The following PARP8 variants were observed in gnomAD, a reference collection of about 807,000 sequenced individuals.
PARP8 encodes protein mono-ADP-ribosyltransferase PARP8.
Under a neutral mutation model 124.1 loss-of-function variants are expected in PARP8, and 51 were observed. The ratio of observed to expected loss-of-function variants is 0.41; its 90% confidence interval spans 0.33 to 0.52. PARP8 has a LOEUF of 0.52. PARP8 is among the 20% of genes least tolerant of loss of function. PARP8 has a pLI of 0.21. For synonymous variants in PARP8, 391 were observed against 361.5 expected, an observed-to-expected ratio of 1.08 and a Z score of -0.93; for missense variants, 860 against 1,018.9, an observed-to-expected ratio of 0.84 and a Z score of 2.12.
chr5:50,833,059 A>AT (rs1264964072), intron 23 of PARP8, among the ~76,000 whole-genome samples: 1 of 152,210 alleles, frequency 6.6e-6, no homozygotes, highest in Non-Finnish European at 1.5e-5. Context: ...ATCTCCCACT[A>AT]TAATACCAGA....
intron 15 of PARP8, among the ~76,000 whole-genome samples, chr5:50,817,129 A>C (rs896941979): frequency 1.3e-5 from 2 of 152,214 alleles, no homozygotes; most frequent in African/African-American, 4.8e-5. Context: ...ATAAATTAGA[A>C]GGAAAAGTAG....
chr5:50,816,517 C>T (rs1162957952), intron 15 of PARP8, among the ~76,000 whole-genome samples: 1 of 152,114 alleles, frequency 6.6e-6, no homozygotes, highest in African/African-American at 2.4e-5. Context: ...TGTACACACT[C>T]CTTGGCCTAG....
intron 3 of PARP8, among the ~76,000 whole-genome samples, chr5:50,755,128 G>T (rs1388001907): frequency 6.6e-6 from 1 of 152,134 alleles, no homozygotes; most frequent in Non-Finnish European, 1.5e-5. Context: ...CATTCTGTAG[G>T]CTGCCTGTTC....
At chr5:50,824,545 A>G (rs1450940003) in intron 17 of PARP8, among the ~76,000 whole-genome samples, 1 of 152,130 alleles carries the variant, frequency 6.6e-6, no homozygotes, top group East Asian at 1.9e-4. Flanking sequence ...GGTTTGGCAA[A>G]GTGGGTTGGT....
At chr5:50,780,301 G>T (rs1449648497) in intron 9 of PARP8, among the ~76,000 whole-genome samples, 1 of 152,080 alleles carries the variant, frequency 6.6e-6, no homozygotes. Flanking sequence ...TTATTTTAGT[G>T]ATTTGAAATA....
chr5:50,669,530 A>G (rs1376744707), intron 2 of PARP8: 2 of 152,216 alleles, frequency 1.3e-5, no homozygotes, highest in African/African-American at 4.8e-5. Context: ...TTTTAATAAG[A>G]TACCTCAGTT....
intron 15 of PARP8, among the ~76,000 whole-genome samples, chr5:50,816,118 T>C (rs748210264): frequency 1.3e-5 from 2 of 152,004 alleles, no homozygotes; most frequent in East Asian, 3.9e-4. Flanking sequence ...CAGAAACATA[T>C]ATGCAGTGCT....
At chr5:50,777,982 T>C (rs1327475504) in intron 7 of PARP8, 87 bp from the exon 8 acceptor site, 1 of 977,534 alleles carries the variant, frequency 1.0e-6, no homozygotes, top group African/African-American at 1.7e-5. Flanking sequence ...GAATTAGTGA[T>C]TTAAAATTTT....
In PARP8 at chr5:50,822,365, C is replaced by T; in HGVS notation, c.1825C>T (p.Leu609=). ...KKNYDRVMKA[L]DSITSIREMT... is the part of the protein sequence containing the mutation. ...GAACTATGATCGAGTAATGAAAGCACTGGATAGCATAACTTCTATCAGAGA... is the reference window on the plus strand; with the variant it reads ...GAACTATGATCGAGTAATGAAAGCATTGGATAGCATAACTTCTATCAGAGA... Residue 609 remains leucine (L), a synonymous_variant, in exon 17 of 26, where the codon CTG becomes TTG. Transcript: ENST00000281631. The T allele has an allele frequency of 6.2e-7, 1 of 1,611,698 alleles. No individual in the cohort carries two copies. The highest frequency in any genetic ancestry group is 8.5e-7 in the Non-Finnish European group (1 of 1,178,032).
In PARP8 at chr5:50,845,317, T is replaced by G. The variant is rs926766515; in HGVS notation, c.*3249T>G. ...CGAAAAACTCATCTTCATTAAAGAG[T>G]CTGGATAACTTCATCAGATGGTAAT... On this transcript the variant is annotated 3_prime_UTR_variant, in exon 26 of 26. Coordinates refer to ENST00000281631, the MANE Select transcript of PARP8 (RefSeq NM_024615.4). The G allele has an allele frequency of 5.3e-5, 8 of 151,510 alleles. No homozygotes were observed. Among genetic ancestry groups the G allele is most frequent in the African/African-American group, 1.9e-4 (8 of 41,318 alleles). 9.4% of individuals were successfully genotyped at this position (151,510 alleles called of 1,614,324 possible). A position where few individuals can be genotyped will look rare whatever the true frequency, so the allele number is the denominator to read the frequency against.
intron 2 of PARP8, among the ~76,000 whole-genome samples, chr5:50,727,880 C>G (rs2089877460): frequency 6.6e-6 from 1 of 152,124 alleles, no homozygotes; most frequent in Admixed American, 6.6e-5. Context: ...AAAATTACAA[C>G]TATAATTTTC....
intron 7 of PARP8, among the ~76,000 whole-genome samples, chr5:50,777,263 T>C (rs552009372): frequency 1.4e-4 from 22 of 152,218 alleles, no homozygotes; most frequent in Non-Finnish European, 2.9e-4. Context: ...GTAAGATCTT[T>C]AGAACAATTT....
chr5:50,792,332 T>C (rs1359288583), intron 10 of PARP8, among the ~76,000 whole-genome samples: 1 of 152,182 alleles, frequency 6.6e-6, no homozygotes, highest in Admixed American at 6.6e-5. Flanking sequence ...CAACATTGAA[T>C]GTCTTTTAGA....
Position 50,795,264 on chromosome 5 carries a change from T to C in PARP8, c.1275T>C (p.Asn425=). The change falls in exon 12 of 26, where the codon AAT becomes AAC. Residue 425 remains asparagine (N), a synonymous_variant. Transcript: ENST00000281631. ...TGGAAGAATTATATGGACTGAAAAA[T>C]CACAAATTGCTCAGCAAGTCCTACT... The part of the protein sequence containing the change: ...LRMEELYGLK[N]HKLLSKSYSS... 6.2e-7 allele frequency: 1 copy of C among 1,614,010 alleles called. No homozygotes were observed. Among genetic ancestry groups the C allele is most frequent in the East Asian group, 2.2e-5 (1 of 44,870 alleles).
chr5:50,824,523 A>G (rs1746124140), intron 17 of PARP8, among the ~76,000 whole-genome samples: 1 of 152,176 alleles, frequency 6.6e-6, no homozygotes, highest in African/African-American at 2.4e-5. Context: ...TAAGTGGAGA[A>G]TTACCAAAAA....
chr5:50,774,367 G>T (rs914668497), intron 7 of PARP8, among the ~76,000 whole-genome samples: 3 of 152,102 alleles, frequency 2.0e-5, no homozygotes, highest in Non-Finnish European at 4.4e-5. Flanking sequence ...GAGCTGTTGG[G>T]TACACCTGCA....
chr5:50,739,418 G>T (rs1374544959), intron 2 of PARP8, among the ~76,000 whole-genome samples: 4 of 151,882 alleles, frequency 2.6e-5, no homozygotes, highest in Non-Finnish European at 5.9e-5. Flanking sequence ...AGGGAGTTGA[G>T]AAATCATTTT....
At chr5:50,764,841 CT>C (rs1316181080) in intron 7 of PARP8, among the ~76,000 whole-genome samples, 1 of 148,628 alleles carries the variant, frequency 6.7e-6, no homozygotes, top group Admixed American at 6.7e-5. Flanking sequence ...AGTAATTGAA[CT>C]TTGCTTGAAA....
chr5:50,698,461 T>A (rs1753257448), intron 2 of PARP8, among the ~76,000 whole-genome samples: 1 of 152,214 alleles, frequency 6.6e-6, no homozygotes, highest in Non-Finnish European at 1.5e-5. Context: ...TTCTTATTCC[T>A]TATTATCTTC....
Sources: allele counts gnomAD v4.1 joint callset (sites outside exome capture counted in the v4.1 genomes callset), GRCh38; gene constraint gnomAD v4.1.1; transcripts MANE v1.5; gene names NCBI Gene and HGNC (gene_info 2026-07-23, HGNC 2026-07-21).